Variants in COCH observed in about 807,000 individuals in gnomAD.
The protein encoded by COCH is cochlin.
In COCH, 40 loss-of-function variants were observed where a neutral mutation model predicts 54.8. The ratio of observed to expected loss-of-function variants is 0.73; its 90% CI spans 0.57 to 0.95. COCH has a LOEUF of 0.95. COCH is among the 40% of genes least tolerant of loss of function. The pLI, the probability that COCH is intolerant of heterozygous loss-of-function variation, is 0.00. For synonymous variants in COCH, 256 were observed against 237.9 expected (o/e 1.08, Z -0.70); for missense variants, 605 against 675.0 (o/e 0.90, Z 1.15).
At chr14:30,895,392 G>C (rs777834290), downstream of COCH, 2 of 1,582,320 alleles carry the variant, frequency 1.3e-6, no homozygotes, top group Non-Finnish European at 8.6e-7. Flanking sequence ...ATCTTGTTAC[G>C]ATGCAAGTTT....
chr14:30,891,475 C>G (rs1895980762), downstream of COCH, among the ~76,000 whole-genome samples: 3 of 152,156 alleles, frequency 2.0e-5, no homozygotes, highest in Middle Eastern at 3.2e-3. Context: ...GAGAAACAAA[C>G]TGGAATTGAC....
chr14:30,887,848 A>G (rs961365450), intron 11 of COCH, among the ~76,000 whole-genome samples: 4 of 152,256 alleles, frequency 2.6e-5, no homozygotes, highest in African/African-American at 9.6e-5. Context: ...TACATCAGCA[A>G]CTAGCCTGTG....
In COCH at chr14:30,889,612, G is replaced by A. The variant is rs749239359; in HGVS notation, c.1478-4G>A. On this transcript the variant is annotated splice_region_variant and splice_polypyrimidine_tract_variant and intron_variant, in intron 11 of 11. Transcript: ENST00000396618. ...CAATTCACTTTAAAATGTTTTCATT[G>A]TAGGAATCACTATCTTCTCTGTTGG... The A allele has an allele frequency of 1.2e-6, 2 of 1,613,360 alleles. No homozygotes were observed. The highest frequency in any genetic ancestry group is 1.1e-5 in the South Asian group (1 of 91,072).
rs1895422108 is a variant in COCH, at chr14:30,877,801, A to AC, written c.239+73_239+74insC. ...TTCCTTTCCTGCTTTACCCATCTGG[A>AC]TCCCTTTCCTCCCTGCATTCTTTCT... On this transcript the variant is annotated intron_variant, in intron 4 of 11. Coordinates refer to ENST00000396618, the MANE Select transcript of COCH (RefSeq NM_004086.3). The surrounding 1 kb of genome is among the most constrained non-coding windows in gnomAD (Gnocchi z 8.6). 6.2e-7 allele frequency: 1 copy of AC among 1,603,964 alleles called. No individual in the cohort carries two copies. Among genetic ancestry groups the AC allele is most frequent in the Non-Finnish European group, 8.5e-7 (1 of 1,177,442 alleles).
intron 11 of COCH, 157 bp downstream of exon 11, chr14:30,886,469 A>T: frequency 2.4e-6 from 2 of 817,748 alleles, no homozygotes; most frequent in Non-Finnish European, 3.8e-6. Flanking sequence ...CATTCTACAG[A>T]TAAGGAAGCA....
chr14:30,890,403 G>A lies in COCH; in HGVS notation c.*612G>A, dbSNP rs541766600. 1 of 983,618 alleles carries A rather than the reference G, an allele frequency of 1.0e-6. No homozygotes were observed. The highest frequency in any genetic ancestry group is 6.1e-5 in the Admixed American group (1 of 16,266). The allele number at this position is 983,618 out of a possible 1,614,324, so 60.9% of individuals were successfully genotyped here. A position where few individuals can be genotyped will look rare whatever the true frequency, so the allele number is the denominator to read the frequency against. On this transcript the variant is annotated 3_prime_UTR_variant, in exon 12 of 12. Coordinates refer to ENST00000396618, the MANE Select transcript of COCH (RefSeq NM_004086.3). ...AATATCACACTGAATAAGAGAGCAG[G>A]ATTGCCAGGTATTTTTCTATTTCTC...
At chr14:30,875,221 C>G (rs1895313058) in intron 3 of COCH, 118 bp downstream of exon 3, 1 of 1,401,504 alleles carries the variant, frequency 7.1e-7, no homozygotes, top group African/African-American at 1.4e-5. Flanking sequence ...GAGGAAGGCG[C>G]GAAGGTTGAG....
downstream of COCH, chr14:30,894,455 T>C (rs1896074169): frequency 1.3e-5 from 2 of 152,630 alleles, no homozygotes; most frequent in Admixed American, 6.5e-5. Context: ...TAATAGGCCA[T>C]TAGCAAGATG....
Position 30,878,840 on chromosome 14 carries a change from T to C in COCH, c.269T>C (p.Val90Ala). 1.2e-6 allele frequency: 2 copies of C among 1,614,158 alleles called. No homozygotes were observed. Among genetic ancestry groups the C allele is most frequent in the Non-Finnish European group, 1.7e-6 (2 of 1,180,026 alleles). Residue 90 changes from valine (V) to alanine (A), a missense_variant, in exon 5 of 12, where the codon GTA becomes GCA. Val to Ala is a moderately conservative substitution (Grantham distance 64). Coordinates refer to ENST00000396618, the MANE Select transcript of COCH (RefSeq NM_004086.3). Reference protein sequence around the residue: ...RGVISNSGGPVRVYSLPGREN... With the variant: ...RGVISNSGGPARVYSLPGREN... The stretch of plus-strand genomic sequence containing the variant: ...GTAATCAGCAACTCAGGGGGACCTG[T>C]ACGAGTCTATAGCCTACCTGGTCGA...
downstream of COCH, chr14:30,894,939 G>A (rs1280727857): frequency 1.3e-5 from 14 of 1,084,862 alleles, no homozygotes; most frequent in African/African-American, 1.6e-4. Flanking sequence ...GGGAATCTGT[G>A]GCATTCAACC....
rs140542213 is a variant in COCH, at chr14:30,882,344, G to A, written c.629+1610G>A. Reference sequence around the variant, plus strand: ...AAGGTTTCACCATGTTGGCCAGCCTGGTCTCGAGCTCCTGACCTCAGGTGA... The same window carrying A: ...AAGGTTTCACCATGTTGGCCAGCCTAGTCTCGAGCTCCTGACCTCAGGTGA... On this transcript the variant is annotated intron_variant, in intron 8 of 11. Transcript: ENST00000396618. Among the ~76,000 whole-genome samples the A allele has an allele frequency of 3.8e-3, 569 of 151,662 alleles. 8 individuals are homozygous for A. Among genetic ancestry groups the A allele is most frequent in the Middle Eastern group, 0.014 (4 of 290 alleles).
At chr14:30,882,120 GTTTTTTTT>G (rs61175020) in intron 8 of COCH, among the ~76,000 whole-genome samples, 3,887 of 67,644 alleles carry the variant, frequency 0.057, 121 homozygotes, top group East Asian at 0.28. Flanking sequence ...CTATAAAATG[GTTTTTTTT>G]TTTTTTTTTT....
In COCH at chr14:30,877,680, A is replaced by G. The variant is rs1035366856; in HGVS notation, c.191A>G (p.Asn64Ser). The G allele has an allele frequency of 2.5e-6, 4 of 1,614,228 alleles. No homozygotes were observed. The highest frequency in any genetic ancestry group is 2.5e-6 in the Non-Finnish European group (3 of 1,180,040). Residue 64 changes from asparagine (N) to serine (S), a missense_variant, in exon 4 of 12, where the codon AAC (asparagine) becomes AGC (serine). Coordinates refer to ENST00000396618, the MANE Select transcript of COCH (RefSeq NM_004086.3). The surrounding 1 kb of genome is among the most constrained non-coding windows in gnomAD (Gnocchi z 8.6). ...CPLEEFSVYG[N>S]IVYASVSSIC... The stretch of plus-strand genomic sequence containing the variant: ...CTTGAGGAATTCTCTGTGTATGGGA[A>G]CATAGTATATGCTTCTGTATCGAGC...
downstream of COCH, among the ~76,000 whole-genome samples, chr14:30,891,766 C>G (rs1219687279): frequency 1.3e-5 from 2 of 152,096 alleles, no homozygotes; most frequent in African/African-American, 4.8e-5. Context: ...TATAAAGGAC[C>G]AAGTTTTGAG....
downstream of COCH, chr14:30,895,459 T>G: frequency 6.2e-7 from 1 of 1,613,972 alleles, no homozygotes; most frequent in South Asian, 1.1e-5. Flanking sequence ...TAGCTATATA[T>G]GCTTTTGACG....
intron 8 of COCH, among the ~76,000 whole-genome samples, chr14:30,881,316 T>C (rs147606570): frequency 1.2e-3 from 188 of 152,274 alleles, no homozygotes; most frequent in East Asian, 4.1e-3. Flanking sequence ...GTCAGTTCAG[T>C]ATAAACATTT....
Position 30,877,867 on chromosome 14 carries a change from C to A in COCH, c.239+139C>A. The A allele has an allele frequency of 7.0e-7, 1 of 1,437,364 alleles. No homozygotes were observed. Among genetic ancestry groups the A allele is most frequent in the Non-Finnish European group, 9.4e-7 (1 of 1,059,114 alleles). 89.0% of individuals were successfully genotyped at this position (1,437,364 alleles called of 1,614,324 possible). ...GCCACAGAAAATGGATATATTTTCA[C>A]GGTTCTCCTGGATATACTTGAAACA... On this transcript the variant is annotated intron_variant, in intron 4 of 11. Coordinates refer to ENST00000396618, the MANE Select transcript of COCH (RefSeq NM_004086.3). This position sits in a 1 kb window ranked among gnomAD's most constrained non-coding sequence, Gnocchi z 8.6.
In COCH at chr14:30,875,094, G is replaced by A. The variant is rs371802597; in HGVS notation, c.73G>A (p.Glu25Lys). 3.8e-6 allele frequency: 6 copies of A among 1,574,638 alleles called. No individual in the cohort carries two copies. Among genetic ancestry groups the A allele is most frequent in the Non-Finnish European group, 5.2e-6 (6 of 1,160,796 alleles). The change falls in exon 3 of 12, where the codon GAG (glutamate) becomes AAG (lysine). Residue 25 changes from glutamate to lysine, a missense_variant. Transcript: ENST00000396618. ...LLLLPGPAGSEGAAPIAITCF... is the reference protein window; with the variant it reads ...LLLLPGPAGSKGAAPIAITCF... ...GCTGCTGCCGGGGCCCGCGGGCAGC[G>A]AGGGAGCCGGTGAGTGGGGGAGCTG... is the stretch of plus-strand genomic sequence containing the variant.
chr14:30,884,479 T>A, intron 8 of COCH, 74 bp from the exon 9 acceptor site: 2 of 1,024,000 alleles, frequency 2.0e-6, no homozygotes, highest in East Asian at 4.9e-5. Flanking sequence ...TTAAAACTGT[T>A]TTTTAAGGCA....
Sources: gnomAD v4.1 joint callset for allele counts (sites outside exome capture counted in the v4.1 genomes callset) on GRCh38, gnomAD v4.1.1 for gene constraint, Gnocchi (gnomAD v3.1) non-coding constraint, MANE v1.5 for transcripts, NCBI Gene and HGNC (gene_info 2026-07-23, HGNC 2026-07-21) for gene names.